GALNT13: variants seen among roughly 807,000 people sequenced by gnomAD.
The protein encoded by GALNT13 is UDP-GalNAc:polypeptide N-acetylgalactosaminyltransferase 13.
A neutral mutation model predicts 64.2 loss-of-function variants in GALNT13; 28 were observed. That is an observed-to-expected ratio of 0.44 (90% CI 0.32 to 0.60). The LOEUF (loss-of-function observed/expected upper bound fraction) is 0.60. GALNT13 is among the 20% of genes least tolerant of loss of function. GALNT13 has a pLI of 0.05. For missense variants in GALNT13, 577 were observed against 669.8 expected, an observed-to-expected ratio of 0.86 and a Z score of 1.53; for synonymous variants, 214 against 224.6, an observed-to-expected ratio of 0.95 and a Z score of 0.42.
chr2:153,694,006 G>A, the GALNT13 span, among the ~76,000 whole-genome samples: 1 of 152,100 alleles, frequency 6.6e-6, no homozygotes, highest in African/African-American at 2.4e-5. Flanking sequence ...TACTTGGGAG[G>A]CTGAAGCAGG....
intron 8 of GALNT13, among the ~76,000 whole-genome samples, chr2:154,264,790 AAAG>A: frequency 1.5e-5 from 1 of 68,512 alleles, no homozygotes. Context: ...CTATATCAGA[AAAG>A]AAAAAAAAAA....
chr2:153,303,459 A>C, the GALNT13 span, among the ~76,000 whole-genome samples: 2 of 152,036 alleles, frequency 1.3e-5, no homozygotes, highest in African/African-American at 4.8e-5. Context: ...TTTTGGATGG[A>C]GTATTTATGG....
the GALNT13 span, among the ~76,000 whole-genome samples, chr2:153,245,000 G>C: frequency 6.6e-6 from 1 of 152,196 alleles, no homozygotes; most frequent in Non-Finnish European, 1.5e-5. Flanking sequence ...ACAGTGCTAA[G>C]GAGACTGAGA....
chr2:153,607,397 C>A, the GALNT13 span, among the ~76,000 whole-genome samples: 2 of 151,940 alleles, frequency 1.3e-5, no homozygotes, highest in Non-Finnish European at 2.9e-5. Flanking sequence ...TATATGTAGT[C>A]TTGTTTTCTA....
the GALNT13 span, among the ~76,000 whole-genome samples, chr2:153,707,999 C>A: frequency 2.6e-5 from 4 of 152,000 alleles, no homozygotes; most frequent in African/African-American, 9.7e-5. Flanking sequence ...GCCATAAATT[C>A]TTTGGAACAA....
chr2:153,743,563 C>T, the GALNT13 span, among the ~76,000 whole-genome samples: 2 of 151,644 alleles, frequency 1.3e-5, no homozygotes, highest in East Asian at 3.9e-4. Context: ...ATTATAGAGG[C>T]ATATATTTAT....
chr2:153,514,242 G>A, the GALNT13 span, among the ~76,000 whole-genome samples: 1 of 151,594 alleles, frequency 6.6e-6, no homozygotes, highest in East Asian at 1.9e-4. Flanking sequence ...CATTCTTTAG[G>A]CCTATCAATT....
At chr2:153,639,627 C>G in the GALNT13 span, among the ~76,000 whole-genome samples, 12 of 152,158 alleles carry the variant, frequency 7.9e-5, no homozygotes, top group Non-Finnish European at 1.6e-4. Context: ...GAAGAATTCT[C>G]TGAAAGTGCC....
intron 3 of GALNT13, among the ~76,000 whole-genome samples, chr2:154,012,055 A>G (rs562971953): frequency 8.5e-5 from 13 of 152,240 alleles, no homozygotes; most frequent in African/African-American, 3.1e-4. Flanking sequence ...TGGGGCATTT[A>G]CCCAGTTTGC....
the GALNT13 span, among the ~76,000 whole-genome samples, chr2:153,484,270 A>C: frequency 1.3e-5 from 2 of 152,122 alleles, no homozygotes; most frequent in Non-Finnish European, 2.9e-5. Flanking sequence ...TTCCTTCTTA[A>C]TACTACATTT....
rs2105871934 is a variant in GALNT13 at position 154,242,886 on chromosome 2, G to T, written c.667G>T (p.Ala223Ser). The T allele has an allele frequency of 1.2e-6, 2 of 1,614,050 alleles. No homozygotes were observed. Among genetic ancestry groups the T allele is most frequent in the East Asian group, 4.5e-5 (2 of 44,838 alleles). Residue 223 changes from alanine to serine, a missense_variant, in exon 6 of 13, where the codon GCA becomes TCA. By Grantham distance (99) the Ala-to-Ser change is moderately conservative (BLOSUM62 1). Around this residue, in one of 3 missense-constraint regions of GALNT13, gnomAD observed 341 missense variants for 379.3 expected, o/e 0.90. Transcript: ENST00000392825. ...GTTAGGATGGCTGGAGCCTTTGCTGGCAAGAATAAAGGAAGACAGGTAAGA... is the reference window on the plus strand; with the variant it reads ...GTTAGGATGGCTGGAGCCTTTGCTGTCAAGAATAAAGGAAGACAGGTAAGA... ...CTLGWLEPLL[A>S]RIKEDRKTVV...
chr2:153,992,399 G>A (rs996607019), intron 3 of GALNT13, among the ~76,000 whole-genome samples: 1 of 152,090 alleles, frequency 6.6e-6, no homozygotes, highest in African/African-American at 2.4e-5. Flanking sequence ...GTGAATGTTA[G>A]GAATCTTTAA....
the GALNT13 span, among the ~76,000 whole-genome samples, chr2:153,117,044 C>T: frequency 6.6e-6 from 1 of 151,818 alleles, no homozygotes; most frequent in African/African-American, 2.4e-5. Flanking sequence ...CGTGATCCAC[C>T]CGCCTAGGCC....
the GALNT13 span, among the ~76,000 whole-genome samples, chr2:153,147,642 C>T: frequency 6.6e-6 from 1 of 151,268 alleles, no homozygotes; most frequent in South Asian, 2.1e-4. Flanking sequence ...GCAAAGTCAC[C>T]TTATATAAGG....
intron 12 of GALNT13, among the ~76,000 whole-genome samples, chr2:154,440,897 A>C (rs1440200108): frequency 6.6e-6 from 1 of 152,162 alleles, no homozygotes. Context: ...GATTTTTTTT[A>C]AACAAAATTG....
chr2:154,394,808 A>G (rs150919463), intron 9 of GALNT13, among the ~76,000 whole-genome samples: 12 of 152,344 alleles, frequency 7.9e-5, no homozygotes, highest in Non-Finnish European at 1.5e-4. Flanking sequence ...AGGAAAATCA[A>G]TATTTTCTCT....
chr2:154,397,623 T>C (rs1238999635), intron 10 of GALNT13, among the ~76,000 whole-genome samples: 1 of 152,142 alleles, frequency 6.6e-6, no homozygotes, highest in African/African-American at 2.4e-5. Context: ...ATATCTTACT[T>C]ACAATTAACT....
intron 8 of GALNT13, among the ~76,000 whole-genome samples, chr2:154,286,025 T>A (rs937134618): frequency 6.6e-6 from 1 of 152,226 alleles, no homozygotes; most frequent in Non-Finnish European, 1.5e-5. Context: ...ATACAAGTGA[T>A]TTTTGTATTT....
chr2:154,252,471 C>T (rs1573958130), intron 7 of GALNT13, among the ~76,000 whole-genome samples: 1 of 151,952 alleles, frequency 6.6e-6, no homozygotes, highest in East Asian at 1.9e-4. Context: ...ATTCCCCTGC[C>T]TCAGCCTCCC....
Sources: gnomAD v4.1 joint callset for allele counts (sites outside exome capture counted in the v4.1 genomes callset) on GRCh38, gnomAD v4.1.1 for gene constraint, gnomAD v4.1.1 regional missense constraint, MANE v1.5 for transcripts, NCBI Gene and HGNC (gene_info 2026-07-23, HGNC 2026-07-21) for gene names.